PITPNM2: variants seen among roughly 807,000 people sequenced by gnomAD.
The protein encoded by PITPNM2 is membrane-associated phosphatidylinositol transfer protein 2.
PITPNM2 carries 35 observed loss-of-function variants against 132.2 expected under a neutral mutation model. That is an observed-to-expected ratio of 0.26 (90% CI 0.20 to 0.35). PITPNM2 has a LOEUF of 0.35. Among genes scored for constraint, PITPNM2 ranks in the 10% least tolerant of loss-of-function variants. The probability of loss-of-function intolerance (pLI) is 1.00; values close to 1 mark genes in which losing one functional copy is unlikely to be tolerated. For synonymous variants in PITPNM2, 738 were observed against 799.2 expected, an observed-to-expected ratio of 0.92 and a Z score of 1.29; for missense variants, 1,332 against 1,912.0, an observed-to-expected ratio of 0.70 and a Z score of 5.66.
chr12:123,120,021 A>G (rs1215842357), intron 1 of PITPNM2, among the ~76,000 whole-genome samples: 1 of 152,172 alleles, frequency 6.6e-6, no homozygotes, highest in Non-Finnish European at 1.5e-5. Context: ...CAGTGAGTCA[A>G]AGGGAAACTC....
chr12:123,033,924 T>C (rs1185131667), intron 3 of PITPNM2, among the ~76,000 whole-genome samples: 2 of 152,210 alleles, frequency 1.3e-5, no homozygotes, highest in Non-Finnish European at 2.9e-5. Flanking sequence ...CATTTTCCAA[T>C]CTGTGCATGC....
In PITPNM2 at chr12:123,004,521, C is replaced by G. The variant is rs370049575; in HGVS notation, c.953-32G>C. ...GGCAAAACCCCAGATTGACCGCCAA[C>G]TGGAGAGGAAGGGCCCAGAGGCTGC... On this transcript the variant is annotated intron_variant, in intron 7 of 25. Transcript: ENST00000320201. This position sits in a 1 kb window ranked among gnomAD's most constrained non-coding sequence, Gnocchi z 4.9. 1 of 1,609,348 alleles carries G rather than the reference C, an allele frequency of 6.2e-7. No homozygotes were observed. The highest frequency in any genetic ancestry group is 8.5e-7 in the Non-Finnish European group (1 of 1,176,818).
chr12:123,032,351 C>T (rs747490060), intron 3 of PITPNM2, among the ~76,000 whole-genome samples: 1 of 152,136 alleles, frequency 6.6e-6, no homozygotes, highest in Non-Finnish European at 1.5e-5. Context: ...GTGGCGCGTG[C>T]CTGTAATCCC....
rs763286891 is a variant in PITPNM2, at chr12:123,013,965, T to A, written c.156A>T (p.Pro52=). Residue 52 remains proline (P), a synonymous_variant, in exon 4 of 26, where the codon CCA becomes CCT. Transcript: ENST00000320201. ...ILENRPYTDG[P]GGSGQYTHKV... Reference sequence around the variant, plus strand: ...TGTGTGTGTACTGCCCAGAGCCGCCTGGGCCATCTGTGTACGGCCGGTTCT... The same window carrying A: ...TGTGTGTGTACTGCCCAGAGCCGCCAGGGCCATCTGTGTACGGCCGGTTCT... 1 of 1,614,268 alleles carries A rather than the reference T, an allele frequency of 6.2e-7. No individual in the cohort carries two copies. Among genetic ancestry groups the A allele is most frequent in the South Asian group, 1.1e-5 (1 of 91,084 alleles).
chr12:123,098,229 C>G (rs116927855), intron 2 of PITPNM2, among the ~76,000 whole-genome samples: 21 of 152,272 alleles, frequency 1.4e-4, no homozygotes, highest in Non-Finnish European at 3.1e-4. Context: ...GGGAGATGCT[C>G]TCAAGGGAAC....
rs1006013330 is a variant in PITPNM2, at chr12:123,082,964, G to A, written c.-96+27421C>T. ...GGACCTCATCATATAATCATGGTAA[G>A]TGGAATCATACAGTATTTGTCCTTC... On this transcript the variant is annotated intron_variant, in intron 2 of 25. Coordinates refer to ENST00000320201, the MANE Select transcript of PITPNM2 (RefSeq NM_020845.3). The surrounding 1 kb of genome is among the most constrained non-coding windows in gnomAD (Gnocchi z 5.4). 3 of 152,288 alleles carry A rather than the reference G, an allele frequency of 2.0e-5. No individual in the cohort carries two copies. The highest frequency in any genetic ancestry group is 2.9e-5 in the Non-Finnish European group (2 of 68,082). The allele number at this position is 152,288 out of a possible 1,614,324, so 9.4% of individuals were successfully genotyped here.
Position 123,014,016 on chromosome 12 carries a change from G to A in PITPNM2, c.105C>T (p.Gly35=), listed in dbSNP as rs759146831. Residue 35 remains glycine, a synonymous_variant, in exon 4 of 26, where the codon GGC becomes GGT. Coordinates refer to ENST00000320201, the MANE Select transcript of PITPNM2 (RefSeq NM_020845.3). ...IQKKSRNETY[G]EGSGVEILEN... ...CCAGGATCTCCACGCCGCTGCCTTC[G>A]CCATATGTCTCGTTACGGCTCTTCT... 3.0e-5 allele frequency: 49 copies of A among 1,614,082 alleles called. No individual in the cohort carries two copies. The Admixed American group carries it at 4.3e-4, about 14-fold the overall frequency.
Position 123,009,233 on chromosome 12 carries a change from A to G in PITPNM2, c.643+617T>C, listed in dbSNP as rs908550837. On this transcript the variant is annotated intron_variant, in intron 6 of 25. Coordinates refer to ENST00000320201, the MANE Select transcript of PITPNM2 (RefSeq NM_020845.3). This position sits in a 1 kb window ranked among gnomAD's most constrained non-coding sequence, Gnocchi z 4.8. ...CCAGCTCTTGGAATGACATCATGCTATGACCTCGGCAGAGGGGGGTTTAGG... is the reference window on the plus strand; with the variant it reads ...CCAGCTCTTGGAATGACATCATGCTGTGACCTCGGCAGAGGGGGGTTTAGG... Among the ~76,000 whole-genome samples, 3 of 152,168 alleles carry G rather than the reference A, an allele frequency of 2.0e-5. No homozygotes were observed. The highest frequency in any genetic ancestry group is 4.4e-5 in the Non-Finnish European group (3 of 68,024).
At chr12:123,133,373 A>G (rs1241691834) in intron 1 of PITPNM2, among the ~76,000 whole-genome samples, 1 of 152,168 alleles carries the variant, frequency 6.6e-6, no homozygotes, top group Non-Finnish European at 1.5e-5. Flanking sequence ...AGTCAGGAAA[A>G]TCCAATTCTA....
At chr12:123,102,474 G>T (rs1180508828) in intron 2 of PITPNM2, among the ~76,000 whole-genome samples, 1 of 152,202 alleles carries the variant, frequency 6.6e-6, no homozygotes, top group East Asian at 1.9e-4. Flanking sequence ...GGACGATGAA[G>T]TTAAAAAACT....
intron 23 of PITPNM2, 86 bp from the exon 24 acceptor site, chr12:122,986,915 A>G (rs1378264650): frequency 7.0e-7 from 1 of 1,422,276 alleles, no homozygotes; most frequent in Non-Finnish European, 9.4e-7. Context: ...CACTTGGGCC[A>G]TTGGAAAGCA....
chr12:123,020,270 G>A (rs917876511), intron 3 of PITPNM2, among the ~76,000 whole-genome samples: 1 of 151,686 alleles, frequency 6.6e-6, no homozygotes, highest in Non-Finnish European at 1.5e-5. Context: ...ATAGTCACGC[G>A]CCACCACACC....
At chr12:123,024,728 A>G (rs749115677) in intron 3 of PITPNM2, among the ~76,000 whole-genome samples, 6 of 152,322 alleles carry the variant, frequency 3.9e-5, no homozygotes, top group Non-Finnish European at 7.4e-5. Flanking sequence ...AGTGGAATCT[A>G]TAGAGACAGA....
intron 5 of PITPNM2, 138 bp downstream of exon 5, chr12:123,012,475 C>T: frequency 8.5e-7 from 1 of 1,177,940 alleles, no homozygotes; most frequent in African/African-American, 1.5e-5. Context: ...CCCATGCTTG[C>T]TCCAACTCTG....
rs199601263 is a variant in PITPNM2 at position 122,995,485 on chromosome 12, C to A, written c.1958G>T (p.Gly653Val). 3.3e-5 allele frequency: 54 copies of A among 1,613,858 alleles called. No homozygotes were observed. The highest frequency in any genetic ancestry group is 4.6e-5 in the Non-Finnish European group (54 of 1,180,010). The part of the protein sequence containing the change: ...RSNVDIPRSN[G>V]TEDPKRQLPR... ...CAGTTGCCTTTTGGGGTCCTCAGTG[C>A]CGTTGCTGCGGGGGATGTCGACGTT... Residue 653 changes from glycine to valine, a missense_variant, in exon 14 of 26, where the codon GGC becomes GTC. Around this residue, in one of 6 missense-constraint regions of PITPNM2, gnomAD observed 710 missense variants for 911.5 expected, o/e 0.78. Coordinates refer to ENST00000320201, the MANE Select transcript of PITPNM2 (RefSeq NM_020845.3).
intron 2 of PITPNM2, among the ~76,000 whole-genome samples, chr12:123,072,989 G>A (rs903748454): frequency 7.9e-5 from 12 of 152,208 alleles, no homozygotes; most frequent in African/African-American, 2.9e-4. Context: ...CCTGCCTCTT[G>A]AGAGTTTGGC....
intron 6 of PITPNM2, among the ~76,000 whole-genome samples, chr12:123,007,047 G>A (rs1457158123): frequency 6.6e-6 from 1 of 152,146 alleles, no homozygotes; most frequent in Non-Finnish European, 1.5e-5. Context: ...CCCTCCACTC[G>A]CCTGGCCCCT....
intron 1 of PITPNM2, among the ~76,000 whole-genome samples, chr12:123,137,752 A>G (rs991728579): frequency 9.2e-5 from 14 of 151,826 alleles, no homozygotes; most frequent in African/African-American, 3.4e-4. Context: ...AATTAGCGGG[A>G]CGTGGTGGTG....
chr12:123,046,730 A>ACT lies in PITPNM2; in HGVS notation c.-95-12046_-95-12045insAG, dbSNP rs534541435. Among the ~76,000 whole-genome samples, 381 of 152,230 alleles carry ACT rather than the reference A, an allele frequency of 2.5e-3. 2 individuals are homozygous for ACT. Among genetic ancestry groups the ACT allele is most frequent in the African/African-American group, 8.9e-3 (369 of 41,528 alleles). On this transcript the variant is annotated intron_variant, in intron 2 of 25. Coordinates refer to ENST00000320201, the MANE Select transcript of PITPNM2 (RefSeq NM_020845.3). The stretch of plus-strand genomic sequence containing the variant: ...TGTCTGGGCTTTTTCACTTGGCATC[A>ACT]TGTTTTTGAGGTTCATGTTGTAGCA...
Sources: gnomAD v4.1 joint callset for allele counts (sites outside exome capture counted in the v4.1 genomes callset) on GRCh38, gnomAD v4.1.1 for gene constraint, gnomAD v4.1.1 regional missense constraint, Gnocchi (gnomAD v3.1) non-coding constraint, MANE v1.5 for transcripts, NCBI Gene and HGNC (gene_info 2026-07-23, HGNC 2026-07-21) for gene names.